Variants in KIZ observed in about 807,000 individuals in gnomAD.
KIZ encodes kizuna centrosomal protein.
In KIZ, 68 loss-of-function variants were observed where a neutral mutation model predicts 79.6. That is an observed-to-expected ratio of 0.85 (90% CI 0.70 to 1.05). The LOEUF (loss-of-function observed/expected upper bound fraction) is 1.05. KIZ is among the 50% of genes least tolerant of loss of function. The pLI is 0.00. For synonymous variants in KIZ, 280 were observed against 281.8 expected (o/e 0.99, Z 0.06); for missense variants, 797 against 800.4 (o/e 1.00, Z 0.05).
intron 4 of KIZ, among the ~76,000 whole-genome samples, chr20:21,150,652 A>C (rs1200263722): frequency 1.3e-5 from 2 of 152,152 alleles, no homozygotes; most frequent in African/African-American, 2.4e-5. Context: ...GAATTACACA[A>C]ATTGTATTTC....
intron 9 of KIZ, among the ~76,000 whole-genome samples, chr20:21,223,485 C>T (rs188647942): frequency 1.3e-5 from 2 of 152,202 alleles, no homozygotes; most frequent in Admixed American, 6.5e-5. Context: ...TTTGCAGGCC[C>T]AGGTCTACAG....
chr20:21,180,050 A>T (rs568675532), intron 6 of KIZ, among the ~76,000 whole-genome samples: 1 of 152,194 alleles, frequency 6.6e-6, no homozygotes, highest in African/African-American at 2.4e-5. Context: ...AGTGTTCTGT[A>T]TATGTTTGTT....
chr20:21,208,897 T>A (rs2035951620), intron 7 of KIZ, among the ~76,000 whole-genome samples: 1 of 152,176 alleles, frequency 6.6e-6, no homozygotes, highest in Admixed American at 6.5e-5. Flanking sequence ...TGAAATCAAG[T>A]GTCTTTGAGT....
chr20:21,165,511 G>T (rs139547671), intron 6 of KIZ, among the ~76,000 whole-genome samples: 1 of 152,306 alleles, frequency 6.6e-6, no homozygotes, highest in East Asian at 1.9e-4. Context: ...GCTGTTGAAG[G>T]TTATTTTAGG....
At chr20:21,202,913 T>C (rs925947268) in intron 6 of KIZ, among the ~76,000 whole-genome samples, 1 of 152,202 alleles carries the variant, frequency 6.6e-6, no homozygotes, top group South Asian at 2.1e-4. Flanking sequence ...TCACATTTCA[T>C]CAGTCTTGTT....
At chr20:21,147,777 G>A (rs555145921) in intron 4 of KIZ, among the ~76,000 whole-genome samples, 1 of 152,310 alleles carries the variant, frequency 6.6e-6, no homozygotes, top group East Asian at 1.9e-4. Context: ...TGAGAAGAAA[G>A]AAGATTCTGC....
chr20:21,201,641 A>C (rs2035602555), intron 6 of KIZ, among the ~76,000 whole-genome samples: 1 of 152,262 alleles, frequency 6.6e-6, no homozygotes, highest in Non-Finnish European at 1.5e-5. Context: ...AGCCCTTTCA[A>C]GTACATGAAA....
At chr20:21,246,364 T>G (rs527263743) in intron 12 of KIZ, 115 bp from the exon 13 acceptor site, 27 of 690,350 alleles carry the variant, frequency 3.9e-5, no homozygotes, top group Non-Finnish European at 6.5e-5. Context: ...GGTGTCCCTG[T>G]TATGCATTTT....
intron 6 of KIZ, chr20:21,166,546 G>A (rs2033948494): frequency 6.8e-7 from 1 of 1,477,012 alleles, no homozygotes; most frequent in Non-Finnish European, 9.4e-7. Flanking sequence ...CTCTCTTTTC[G>A]GCATTGTTGA....
chr20:21,126,050 C>G (rs1414225320), upstream of KIZ: 4 of 1,411,576 alleles, frequency 2.8e-6, no homozygotes, highest in East Asian at 1.2e-4. Flanking sequence ...GTGGGGCGGT[C>G]TCCTTCGGCA....
intron 7 of KIZ, among the ~76,000 whole-genome samples, chr20:21,206,930 T>C (rs745430345): frequency 1.3e-5 from 2 of 152,180 alleles, no homozygotes; most frequent in Non-Finnish European, 2.9e-5. Flanking sequence ...AGCCCAACTT[T>C]AGAGCATGTC....
intron 6 of KIZ, among the ~76,000 whole-genome samples, chr20:21,167,909 TA>T (rs1410003484): frequency 6.6e-6 from 1 of 152,176 alleles, no homozygotes; most frequent in South Asian, 2.1e-4. Flanking sequence ...AAAGTACCAT[TA>T]AAAAATAGTT....
At chr20:21,239,802 T>C (rs1038716491) in intron 11 of KIZ, among the ~76,000 whole-genome samples, 1 of 152,236 alleles carries the variant, frequency 6.6e-6, no homozygotes, top group Non-Finnish European at 1.5e-5. Context: ...CCTATTCTGT[T>C]GAAGTCCTGG....
At chr20:21,226,503 G>A (rs1454478987) in intron 9 of KIZ, among the ~76,000 whole-genome samples, 1 of 150,930 alleles carries the variant, frequency 6.6e-6, no homozygotes, top group African/African-American at 2.4e-5. Context: ...TAAATAGTTT[G>A]TGCAACAATT....
At chr20:21,166,742 G>A in intron 6 of KIZ, 1 of 607,266 alleles carries the variant, frequency 1.6e-6, no homozygotes, top group South Asian at 2.0e-5. Flanking sequence ...ACAAGCGTGA[G>A]CCACCGCACC....
intron 4 of KIZ, chr20:21,149,008 A>G (rs1429920727): frequency 6.6e-6 from 1 of 152,202 alleles, no homozygotes; most frequent in East Asian, 1.9e-4. Flanking sequence ...TTACTTTGCT[A>G]GGTGCTGCGT....
chr20:21,214,263 A>G (rs2036192925), intron 7 of KIZ, among the ~76,000 whole-genome samples: 1 of 152,098 alleles, frequency 6.6e-6, no homozygotes, highest in South Asian at 2.1e-4. Context: ...TCATATACAT[A>G]CTTAACAAGC....
At chr20:21,214,824 T>C (rs1161544903) in intron 8 of KIZ, 124 bp downstream of exon 8, 3 of 533,088 alleles carry the variant, frequency 5.6e-6, no homozygotes, top group Non-Finnish European at 6.7e-6. Flanking sequence ...ATGCATAATA[T>C]AGTATTTGTT....
intron 11 of KIZ, among the ~76,000 whole-genome samples, chr20:21,242,263 G>C (rs1331588626): frequency 6.6e-6 from 1 of 152,230 alleles, no homozygotes; most frequent in Non-Finnish European, 1.5e-5. Flanking sequence ...AGGACAGCAC[G>C]ACACTCCTGG....
Sources: allele counts gnomAD v4.1 joint callset (sites outside exome capture counted in the v4.1 genomes callset), GRCh38; gene constraint gnomAD v4.1.1; transcripts MANE v1.5; gene names NCBI Gene and HGNC (gene_info 2026-07-23, HGNC 2026-07-21).